TP53BP2: variants seen among roughly 807,000 people sequenced by gnomAD.
TP53BP2 encodes the protein apoptosis-stimulating of p53 protein 2.
Under a neutral mutation model 126.2 loss-of-function variants are expected in TP53BP2, and 62 were observed. That is an observed-to-expected ratio of 0.49 (90% confidence interval 0.40 to 0.61). TP53BP2 has a LOEUF of 0.61. Among genes scored for constraint, TP53BP2 ranks in the 20% least tolerant of loss-of-function variants. TP53BP2 has a pLI of 0.00. For missense variants in TP53BP2, 1,215 were observed against 1,402.8 expected (o/e 0.87, Z 2.14); for synonymous variants, 485 against 502.9 (o/e 0.96, Z 0.48).
intron 11 of TP53BP2, 126 bp downstream of exon 11, chr1:223,799,773 T>C: frequency 1.2e-6 from 1 of 826,758 alleles, no homozygotes; most frequent in Non-Finnish European, 1.7e-6. Flanking sequence ...AGAATGCTAA[T>C]GTATTTTCTA....
chr1:223,826,933 G>A (rs550874583), intron 1 of TP53BP2, among the ~76,000 whole-genome samples: 3 of 152,256 alleles, frequency 2.0e-5, no homozygotes, highest in Admixed American at 2.0e-4. Context: ...AGTAAGACTC[G>A]CTTGGTGGAC....
chr1:223,795,781 T>G (rs1662296299), intron 13 of TP53BP2, 34 bp downstream of exon 13: 1 of 1,411,844 alleles, frequency 7.1e-7, no homozygotes, highest in South Asian at 2.0e-5. Flanking sequence ...AGTAAAGGAC[T>G]CCGGAAAAGG....
chr1:223,838,994 CGAT>C (rs1664015612), intron 1 of TP53BP2, among the ~76,000 whole-genome samples: 2 of 150,652 alleles, frequency 1.3e-5, no homozygotes, highest in Admixed American at 1.3e-4. Flanking sequence ...AAATAAGGGA[CGAT>C]GTCTCCATTT....
intron 4 of TP53BP2, among the ~76,000 whole-genome samples, chr1:223,807,462 A>G (rs1454603083): frequency 6.6e-6 from 1 of 152,166 alleles, no homozygotes; most frequent in Admixed American, 6.5e-5. Flanking sequence ...AGCCAATGCA[A>G]TAAAACAAGA....
chr1:223,786,610 AT>A (rs35631028), intron 16 of TP53BP2, among the ~76,000 whole-genome samples: 8 of 87,396 alleles, frequency 9.2e-5, no homozygotes, highest in East Asian at 8.2e-4. Context: ...GTGTGTGTAT[AT>A]TTTTTTTTCC....
chr1:223,831,124 T>A (rs1237226033), intron 1 of TP53BP2, among the ~76,000 whole-genome samples: 2 of 151,144 alleles, frequency 1.3e-5, no homozygotes, highest in Admixed American at 1.3e-4. Flanking sequence ...GGCTCCTGCC[T>A]GTAATCTCAG....
chr1:223,780,771 T>C lies in TP53BP2; in HGVS notation c.*82A>G. On this transcript the variant is annotated 3_prime_UTR_variant, in exon 18 of 18. Coordinates refer to ENST00000343537, the MANE Select transcript of TP53BP2 (RefSeq NM_001031685.3). ...TACATTGTCATTAAAATAAGTCTTG[T>C]GAAATTTTTGCCAAAAATAATCGTA... 7.2e-7 allele frequency: 1 copy of C among 1,388,280 alleles called. No individual in the cohort carries two copies. 86.0% of individuals were successfully genotyped at this position (1,388,280 alleles called of 1,614,324 possible). A position where few individuals can be genotyped will look rare whatever the true frequency, so the allele number is the denominator to read the frequency against.
At position 223,798,430 on chromosome 1, in the gene TP53BP2, G is replaced by A; in HGVS notation, c.1733C>T (p.Ser578Phe). Residue 578 changes from serine to phenylalanine, a missense_variant, in exon 12 of 18, where the codon TCT becomes TTT. Transcript: ENST00000343537. ...VGQDQTLSPG[S>F]KQESPPAAAV... The stretch of plus-strand genomic sequence containing the variant: ...AGCAGCAGGTGGACTTTCTTGCTTA[G>A]AACCTGGAGAAAGGGTCTGGTCTTG... The A allele has an allele frequency of 6.2e-7, 1 of 1,614,192 alleles. No individual in the cohort carries two copies. The highest frequency in any genetic ancestry group is 1.1e-5 in the South Asian group (1 of 91,080).
chr1:223,795,848 C>T lies in TP53BP2; in HGVS notation c.2691G>A (p.Pro897=), dbSNP rs887485601. The change falls in exon 13 of 18, where the codon CCG becomes CCA. Residue 897 remains proline (P), a synonymous_variant. Coordinates refer to ENST00000343537, the MANE Select transcript of TP53BP2 (RefSeq NM_001031685.3). Reference sequence around the variant, plus strand: ...GAGAGACCTGCCCGGTGATTTCAGGCGGGCGCATGCTCACCGAGTCTTCTC... The same window carrying T: ...GAGAGACCTGCCCGGTGATTTCAGGTGGGCGCATGCTCACCGAGTCTTCTC... ...GPGEDSVSMR[P]PEITGQVSLP... 9.6e-6 allele frequency: 15 copies of T among 1,562,082 alleles called. No homozygotes were observed. The highest frequency in any genetic ancestry group is 2.4e-5 in the South Asian group (2 of 84,798).
Position 223,795,878 on chromosome 1 carries a change from C to T in TP53BP2, c.2661G>A (p.Gly887=). Residue 887 remains glycine, a synonymous_variant, in exon 13 of 18, where the codon GGG becomes GGA. Transcript: ENST00000343537. ...GCATGCTCACCGAGTCTTCTCCGGGCCCTTCAGGCTCCCCAGATGGGTATG... is the reference window on the plus strand; with the variant it reads ...GCATGCTCACCGAGTCTTCTCCGGGTCCTTCAGGCTCCCCAGATGGGTATG... ...PPPYPSGEPE[G]PGEDSVSMRP... is the part of the protein sequence containing the mutation. 6.2e-7 allele frequency: 1 copy of T among 1,601,732 alleles called. No individual in the cohort carries two copies. The highest frequency in any genetic ancestry group is 8.5e-7 in the Non-Finnish European group (1 of 1,174,818).
intron 1 of TP53BP2, among the ~76,000 whole-genome samples, chr1:223,830,883 G>C (rs946639103): frequency 2.6e-5 from 4 of 152,162 alleles, no homozygotes; most frequent in African/African-American, 7.2e-5. Context: ...AGGATCACGA[G>C]GTCAGGAGAT....
intron 16 of TP53BP2, among the ~76,000 whole-genome samples, chr1:223,788,009 C>T (rs1206919621): frequency 6.6e-6 from 1 of 152,156 alleles, no homozygotes; most frequent in African/African-American, 2.4e-5. Context: ...TTTGGGGCTA[C>T]AGTGGGCAAT....
chr1:223,813,241 C>T (rs1662973847), intron 3 of TP53BP2, among the ~76,000 whole-genome samples: 1 of 152,176 alleles, frequency 6.6e-6, no homozygotes, highest in African/African-American at 2.4e-5. Flanking sequence ...GATGACATTA[C>T]CGCCCAAATG....
At chr1:223,832,000 G>A (rs1663750053) in intron 1 of TP53BP2, among the ~76,000 whole-genome samples, 1 of 151,994 alleles carries the variant, frequency 6.6e-6, no homozygotes, top group African/African-American at 2.4e-5. Context: ...TCATTTTAAA[G>A]AGGAATTATT....
chr1:223,835,576 G>A (rs745692407), intron 1 of TP53BP2, among the ~76,000 whole-genome samples: 12 of 152,050 alleles, frequency 7.9e-5, no homozygotes, highest in Admixed American at 2.0e-4. Flanking sequence ...AGATCTATCC[G>A]TGATGATCTA....
At chr1:223,790,128 C>T (rs1341248569) in intron 15 of TP53BP2, among the ~76,000 whole-genome samples, 9 of 151,944 alleles carry the variant, frequency 5.9e-5, no homozygotes, top group South Asian at 2.1e-4. Flanking sequence ...AAAAATTAGC[C>T]GGGTGTGTAA....
chr1:223,824,937 T>G (rs565882407), intron 1 of TP53BP2, among the ~76,000 whole-genome samples: 9 of 151,848 alleles, frequency 5.9e-5, no homozygotes, highest in Admixed American at 1.3e-4. Flanking sequence ...AGTGTAACTC[T>G]CCCTTCCTCA....
chr1:223,799,071 C>T (rs981204802), intron 11 of TP53BP2, among the ~76,000 whole-genome samples: 5 of 152,114 alleles, frequency 3.3e-5, no homozygotes, highest in African/African-American at 7.2e-5. Flanking sequence ...GACTCCATCT[C>T]GGAAAATATA....
chr1:223,780,309 CATATA>C lies in TP53BP2; in HGVS notation c.*539_*543del, dbSNP rs1467459024. 1 of 152,292 alleles carries C rather than the reference CATATA, an allele frequency of 6.6e-6. No individual in the cohort carries two copies. The highest frequency in any genetic ancestry group is 2.4e-5 in the African/African-American group (1 of 41,452). The allele number at this position is 152,292 out of a possible 1,614,324, so 9.4% of individuals were successfully genotyped here. ...TAATTCTTAAGATGCTACAAAAACT[CATATA>C]ATAAAGTTATTGTTCACTGACAACC... On this transcript the variant is annotated 3_prime_UTR_variant, in exon 18 of 18. Transcript: ENST00000343537.
Sources: gnomAD v4.1 joint callset for allele counts (sites outside exome capture counted in the v4.1 genomes callset) on GRCh38, gnomAD v4.1.1 for gene constraint, MANE v1.5 for transcripts, NCBI Gene and HGNC (gene_info 2026-07-23, HGNC 2026-07-21) for gene names.